Variants in AUTS2 observed in about 807,000 individuals in gnomAD.
The protein encoded by AUTS2 is activator of transcription and developmental regulator AUTS2, also known as autism susceptibility gene 2 protein.
A neutral mutation model predicts 112.4 loss-of-function variants in AUTS2; 17 were observed. The observed-to-expected ratio is 0.15, with a 90% CI of 0.10 to 0.23. The LOEUF (loss-of-function observed/expected upper bound fraction) is 0.23. Among genes scored for constraint, AUTS2 ranks in the 10% least tolerant of loss-of-function variants. The probability of loss-of-function intolerance (pLI) is 1.00; values close to 1 mark genes in which losing one functional copy is unlikely to be tolerated. For missense variants in AUTS2, 1,510 were observed against 1,701.6 expected, an observed-to-expected ratio of 0.89 and a Z score of 1.98; for synonymous variants, 751 against 702.7, an observed-to-expected ratio of 1.07 and a Z score of -1.09.
chr7:70,171,932 T>C (rs1369405422), intron 4 of AUTS2, among the ~76,000 whole-genome samples: 1 of 152,084 alleles, frequency 6.6e-6, no homozygotes. Context: ...TCCCTCCTTC[T>C]TTTCTTGGTC....
chr7:70,564,367 A>G (rs927500292), intron 5 of AUTS2, among the ~76,000 whole-genome samples: 1 of 152,194 alleles, frequency 6.6e-6, no homozygotes, highest in African/African-American at 2.4e-5. Context: ...CTATGTTTTT[A>G]TACCCAGCAC....
intron 12 of AUTS2, among the ~76,000 whole-genome samples, chr7:70,774,594 T>G (rs1285295448): frequency 6.6e-6 from 1 of 152,254 alleles, no homozygotes; most frequent in Non-Finnish European, 1.5e-5. Flanking sequence ...TTTTGTACTC[T>G]AGAGCTAAAT....
At chr7:70,144,846 T>C (rs1241818059) in intron 4 of AUTS2, among the ~76,000 whole-genome samples, 1 of 152,178 alleles carries the variant, frequency 6.6e-6, no homozygotes, top group Non-Finnish European at 1.5e-5. Context: ...GTGACTGTTT[T>C]CATATGTGAT....
intron 5 of AUTS2, among the ~76,000 whole-genome samples, chr7:70,450,719 G>C (rs1165106715): frequency 6.6e-6 from 1 of 152,140 alleles, no homozygotes. Flanking sequence ...GTGGCATGAA[G>C]GATGGAGTGA....
chr7:69,788,887 G>A (rs1400088974), intron 1 of AUTS2, among the ~76,000 whole-genome samples: 1 of 152,144 alleles, frequency 6.6e-6, no homozygotes, highest in East Asian at 1.9e-4. Context: ...GTCCGGTTCA[G>A]CTCTGACGCG....
At chr7:70,288,063 A>G (rs1198433346) in intron 4 of AUTS2, among the ~76,000 whole-genome samples, 1 of 152,138 alleles carries the variant, frequency 6.6e-6, no homozygotes, top group Non-Finnish European at 1.5e-5. Flanking sequence ...GGGGGAAAAA[A>G]ACTAAAGGCT....
At chr7:70,601,821 C>T (rs1182156550) in intron 5 of AUTS2, among the ~76,000 whole-genome samples, 1 of 152,182 alleles carries the variant, frequency 6.6e-6, no homozygotes, top group Non-Finnish European at 1.5e-5. Context: ...CAAGGTGAAG[C>T]AGTTCACCTT....
At chr7:69,864,605 G>T (rs2129533469) in intron 1 of AUTS2, among the ~76,000 whole-genome samples, 1 of 152,284 alleles carries the variant, frequency 6.6e-6, no homozygotes, top group East Asian at 1.9e-4. Flanking sequence ...TTACTGGTTG[G>T]CATACTAAGT....
chr7:69,638,735 T>C (rs1318983305), intron 1 of AUTS2, among the ~76,000 whole-genome samples: 1 of 152,230 alleles, frequency 6.6e-6, no homozygotes, highest in African/African-American at 2.4e-5. Context: ...TCAAAAGACA[T>C]TGAATTGACT....
rs150708924 is a variant in AUTS2, at chr7:70,066,049, G to A, written c.523-52083G>A. Among the ~76,000 whole-genome samples the A allele has an allele frequency of 1.5e-3, 232 of 152,252 alleles. 1 individual carries two copies. Among genetic ancestry groups the A allele is most frequent in the African/African-American group, 4.7e-3 (195 of 41,532 alleles). ...ATAAGATCAGTTGTGTGTTAGCAGC[G>A]ATGTTGCTGACTGATCTTTGCAATC... On this transcript the variant is annotated intron_variant, in intron 2 of 18. Coordinates refer to ENST00000342771, the MANE Select transcript of AUTS2 (RefSeq NM_015570.4).
At chr7:70,399,802 A>G (rs1164652457) in intron 4 of AUTS2, among the ~76,000 whole-genome samples, 1 of 152,204 alleles carries the variant, frequency 6.6e-6, no homozygotes, top group Non-Finnish European at 1.5e-5. Flanking sequence ...CTTGGGATGG[A>G]TTACAGCTGA....
intron 1 of AUTS2, among the ~76,000 whole-genome samples, chr7:69,800,420 C>G (rs749351199): frequency 2.0e-5 from 3 of 152,182 alleles, no homozygotes; most frequent in African/African-American, 4.8e-5. Flanking sequence ...ACAGATACAT[C>G]CCTGTTGTAG....
intron 6 of AUTS2, among the ~76,000 whole-genome samples, chr7:70,715,202 A>G (rs1810288412): frequency 6.6e-6 from 1 of 152,310 alleles, no homozygotes; most frequent in Admixed American, 6.5e-5. Flanking sequence ...CTCTACCAGG[A>G]GTTTATTAAT....
At chr7:70,238,189 A>T (rs899302889) in intron 4 of AUTS2, among the ~76,000 whole-genome samples, 2 of 152,116 alleles carry the variant, frequency 1.3e-5, no homozygotes, top group Non-Finnish European at 2.9e-5. Flanking sequence ...GTCACCTGGG[A>T]CTCGAGTGCT....
intron 2 of AUTS2, among the ~76,000 whole-genome samples, chr7:70,025,372 C>A (rs1213079229): frequency 1.3e-5 from 2 of 151,904 alleles, no homozygotes; most frequent in African/African-American, 4.8e-5. Flanking sequence ...CTCTAATATT[C>A]CCCCATCACT....
intron 2 of AUTS2, among the ~76,000 whole-genome samples, chr7:69,970,692 C>G (rs1291640227): frequency 6.6e-6 from 1 of 152,182 alleles, no homozygotes. Context: ...GTTCCCCTCT[C>G]CCATCTAAGC....
intron 10 of AUTS2, among the ~76,000 whole-genome samples, chr7:70,768,821 G>C (rs980740132): frequency 6.7e-6 from 1 of 149,188 alleles, no homozygotes; most frequent in Non-Finnish European, 1.5e-5. Context: ...TTGATGATGG[G>C]GTGAATACTG....
intron 6 of AUTS2, among the ~76,000 whole-genome samples, chr7:70,712,992 C>T (rs1288002283): frequency 6.6e-6 from 1 of 152,204 alleles, no homozygotes; most frequent in Non-Finnish European, 1.5e-5. Flanking sequence ...AATCCTTCCA[C>T]TCTCTATAGC....
At chr7:69,615,504 T>C (rs537700102) in intron 1 of AUTS2, among the ~76,000 whole-genome samples, 1 of 152,108 alleles carries the variant, frequency 6.6e-6, no homozygotes, top group Non-Finnish European at 1.5e-5. Flanking sequence ...GATTTCTCCA[T>C]GTTGGCCAGG....
Sources: allele counts gnomAD v4.1 joint callset (sites outside exome capture counted in the v4.1 genomes callset), GRCh38; gene constraint gnomAD v4.1.1; transcripts MANE v1.5; gene names NCBI Gene and HGNC (gene_info 2026-07-23, HGNC 2026-07-21).